SLC17A7: variants seen among roughly 807,000 people sequenced by gnomAD.
The protein encoded by SLC17A7 is solute carrier family 17 member 7.
A neutral mutation model predicts 59.1 loss-of-function variants in SLC17A7; 15 were observed. The ratio of observed to expected loss-of-function variants is 0.25; its 90% CI spans 0.17 to 0.39. SLC17A7 has a LOEUF of 0.39. SLC17A7 is among the 10% of genes least tolerant of loss of function. The probability of loss-of-function intolerance (pLI) is 1.00; values close to 1 mark genes in which losing one functional copy is unlikely to be tolerated. For missense variants in SLC17A7, 499 were observed against 765.1 expected, an observed-to-expected ratio of 0.65 and a Z score of 4.10; for synonymous variants, 353 against 308.9, an observed-to-expected ratio of 1.14 and a Z score of -1.50.
At position 49,433,256 on chromosome 19, in the gene SLC17A7, T is replaced by A; in HGVS notation, c.868-296A>T. On this transcript the variant is annotated intron_variant, in intron 7 of 11. Coordinates refer to ENST00000221485, the MANE Select transcript of SLC17A7 (RefSeq NM_020309.4). The surrounding 1 kb of genome is among the most constrained non-coding windows in gnomAD (Gnocchi z 5.7). ...TCTTTTTTTCTTTTTATTTTTACTT[T>A]TTGTATTTTGTATTTTGAGTAGAGA... 2.4e-6 allele frequency: 1 copy of A among 424,630 alleles called. No individual in the cohort carries two copies. Among genetic ancestry groups the A allele is most frequent in the Non-Finnish European group, 4.2e-6 (1 of 236,376 alleles). 26.3% of individuals were successfully genotyped at this position (424,630 alleles called of 1,614,324 possible).
In SLC17A7 at chr19:49,432,543, C is replaced by A; in HGVS notation, c.1126G>T (p.Val376Leu). The A allele has an allele frequency of 6.2e-7, 1 of 1,613,612 alleles. No individual in the cohort carries two copies. Among genetic ancestry groups the A allele is most frequent in the Non-Finnish European group, 8.5e-7 (1 of 1,179,814 alleles). The change falls in exon 9 of 12, where the codon GTG becomes TTG. Residue 376 changes from valine (V) to leucine (L), a missense_variant. By Grantham distance (32) the Val-to-Leu change is conservative. Transcript: ENST00000221485. ...RSRRIMSTTN[V>L]RKLMNCGGFG... ...CCTCCGCAGTTCATCAACTTGCGCA[C>A]GTTGGTGGTGGACATGATGCGGCGG...
Position 49,436,555 on chromosome 19 carries a change from C to T in SLC17A7, c.309G>A (p.Val103=). Reference sequence around the variant, plus strand: ...GGCTCAGGCCTTGAGCTACCTGCACCACCACGTGGCCCCCGCGGTGGGTCG... The same window carrying T: ...GGCTCAGGCCTTGAGCTACCTGCACTACCACGTGGCCCCCGCGGTGGGTCG... The part of the protein sequence containing the change: ...NSTTHRGGHV[V]VQKAQFSWDP... Residue 103 remains valine, a synonymous_variant, in exon 2 of 12, where the codon GTG becomes GTA. Transcript: ENST00000221485. This position sits in a 1 kb window ranked among gnomAD's most constrained non-coding sequence, Gnocchi z 4.1. 6.2e-7 allele frequency: 1 copy of T among 1,613,236 alleles called. No homozygotes were observed. Among genetic ancestry groups the T allele is most frequent in the African/African-American group, 1.3e-5 (1 of 75,052 alleles).
intron 1 of SLC17A7, 31 bp downstream of exon 1, chr19:49,441,287 A>T: frequency 6.2e-7 from 1 of 1,602,324 alleles, no homozygotes; most frequent in Non-Finnish European, 8.5e-7. Flanking sequence ...AGATCCTCCC[A>T]CTCTTCTCCC....
At chr19:49,432,380 G>T in intron 9 of SLC17A7, 139 bp downstream of exon 9, 2 of 1,206,258 alleles carry the variant, frequency 1.7e-6, no homozygotes, top group Non-Finnish European at 2.3e-6. Context: ...CCACCCTGTT[G>T]GCCACGGCCC....
chr19:49,431,390 C>T lies in SLC17A7; in HGVS notation c.1209G>A (p.Val403=). 6.2e-7 allele frequency: 1 copy of T among 1,614,200 alleles called. No individual in the cohort carries two copies. Among genetic ancestry groups the T allele is most frequent in the Non-Finnish European group, 8.5e-7 (1 of 1,180,032 alleles). ...LVVGYSHSKG[V]AISFLVLAVG... The stretch of plus-strand genomic sequence containing the variant: ...CGGCTAGGACCAGGAAGGAGATGGC[C>T]ACGCCCTTGGAGTGCGAGTAGCCGA... The change falls in exon 10 of 12, where the codon GTG becomes GTA. Residue 403 remains valine, a synonymous_variant. Transcript: ENST00000221485. This position sits in a 1 kb window ranked among gnomAD's most constrained non-coding sequence, Gnocchi z 4.6.
At position 49,434,469 on chromosome 19, in the gene SLC17A7, G is replaced by C. The variant is rs2078973006; in HGVS notation, c.637+133C>G. On this transcript the variant is annotated intron_variant, in intron 5 of 11. Transcript: ENST00000221485. ...CTCTTCCCTCAGACCTGGGAGTCCAGGTCCAGAGTCTCCTCCTCCTCCCTC... is the reference window on the plus strand; with the variant it reads ...CTCTTCCCTCAGACCTGGGAGTCCACGTCCAGAGTCTCCTCCTCCTCCCTC... 7 of 853,596 alleles carry C rather than the reference G, an allele frequency of 8.2e-6. No individual in the cohort carries two copies. The South Asian group carries it at 9.5e-5, about 12-fold the overall frequency. The allele number at this position is 853,596 out of a possible 1,614,324, so 52.9% of individuals were successfully genotyped here. A position where few individuals can be genotyped will look rare whatever the true frequency, so the allele number is the denominator to read the frequency against.
At chr19:49,438,526 G>A (rs2078988441) in intron 1 of SLC17A7, among the ~76,000 whole-genome samples, 1 of 152,152 alleles carries the variant, frequency 6.6e-6, no homozygotes, top group East Asian at 1.9e-4. Context: ...AGAGCTGTGA[G>A]AACACAGCAA....
In SLC17A7 at chr19:49,430,618, A is replaced by G; in HGVS notation, c.1584T>C (p.Ala528=). 6.2e-7 allele frequency: 1 copy of G among 1,613,984 alleles called. No homozygotes were observed. Among genetic ancestry groups the G allele is most frequent in the Middle Eastern group, 1.7e-4 (1 of 6,060 alleles). The part of the protein sequence containing the change: ...GSDDSEMEDE[A]EPPGAPPAPP... ...GTGCAGGGGGTGCCCCCGGGGGCTC[A>G]GCCTCATCCTCCATTTCGCTGTCGT... Residue 528 remains alanine, a synonymous_variant, in exon 12 of 12, where the codon GCT becomes GCC. Transcript: ENST00000221485.
chr19:49,434,536 C>T, intron 5 of SLC17A7, 66 bp downstream of exon 5: 1 of 1,345,814 alleles, frequency 7.4e-7, no homozygotes. Context: ...CCCGCTCAGA[C>T]CCAACAGTCC....
Position 49,431,529 on chromosome 19 carries a change from C to A in SLC17A7, c.1151-81G>T. The A allele has an allele frequency of 8.4e-7, 1 of 1,189,862 alleles. No homozygotes were observed. Among genetic ancestry groups the A allele is most frequent in the Non-Finnish European group, 1.2e-6 (1 of 824,576 alleles). The allele number at this position is 1,189,862 out of a possible 1,614,324, so 73.7% of individuals were successfully genotyped here. On this transcript the variant is annotated intron_variant, in intron 9 of 11. Transcript: ENST00000221485. The surrounding 1 kb of genome is among the most constrained non-coding windows in gnomAD (Gnocchi z 4.6). ...GCTGCCCCACACCGCCCTTCCAGAC[C>A]TGCTCCAGCCCCAAACCGCGTCTAT...
intron 1 of SLC17A7, among the ~76,000 whole-genome samples, chr19:49,439,500 T>C: frequency 6.6e-6 from 1 of 152,288 alleles, no homozygotes; most frequent in South Asian, 2.1e-4. Flanking sequence ...GGCATCACTC[T>C]TCTCAAGGAA....
rs1446838083 is a variant in SLC17A7, at chr19:49,434,751, AT to A, written c.549+16del. The A allele has an allele frequency of 3.1e-6, 5 of 1,614,116 alleles. No individual in the cohort carries two copies. Among genetic ancestry groups the A allele is most frequent in the Non-Finnish European group, 4.2e-6 (5 of 1,179,958 alleles). ...AGGGTCCGAGCGAGGGCAGGGTCAT[AT>A]CAGGCGGGGATTTACCTCTACCAAC... On this transcript the variant is annotated intron_variant, in intron 4 of 11. Transcript: ENST00000221485.
intron 1 of SLC17A7, among the ~76,000 whole-genome samples, chr19:49,441,030 C>T (rs1448644068): frequency 6.6e-6 from 1 of 151,888 alleles, no homozygotes; most frequent in African/African-American, 2.4e-5. Context: ...GAGACGGGGA[C>T]AGAGACCCAG....
chr19:49,430,972 GCA>G, intron 11 of SLC17A7, 41 bp downstream of exon 11: 1 of 1,579,910 alleles, frequency 6.3e-7, no homozygotes, highest in Non-Finnish European at 8.6e-7. Flanking sequence ...TAGGTACGAA[GCA>G]CACACTTGGA....
chr19:49,437,936 G>A (rs111174366), intron 1 of SLC17A7: 28,920 of 139,580 alleles, frequency 0.21, 3,900 homozygotes, highest in Non-Finnish European at 0.25. Flanking sequence ...AGAGAGAGAG[G>A]GGGACAGAGA....
chr19:49,430,941 C>T, intron 11 of SLC17A7, 74 bp downstream of exon 11: 11 of 1,557,334 alleles, frequency 7.1e-6, no homozygotes, highest in Non-Finnish European at 9.6e-6. Context: ...ACCCCAGAGA[C>T]AGTGCCACCA....
At chr19:49,430,991 C>T (rs1319333425) in intron 11 of SLC17A7, 24 bp downstream of exon 11, 1 of 1,592,812 alleles carries the variant, frequency 6.3e-7, no homozygotes, top group South Asian at 1.1e-5. Context: ...TGGAGGCAGA[C>T]TGAGTCAGGA....
At position 49,441,408 on chromosome 19, in the gene SLC17A7, G is replaced by T. The variant is rs747200738; in HGVS notation, c.-29C>A. ...GGCGGCTCCTGCCGCCGGTCACCCC[G>T]CGGGTCCCCCCCGCCGATCCCCCCG... On this transcript the variant is annotated 5_prime_UTR_variant, in exon 1 of 12. Transcript: ENST00000221485. 8.1e-6 allele frequency: 12 copies of T among 1,488,262 alleles called. No homozygotes were observed. The highest frequency in any genetic ancestry group is 8.9e-6 in the Non-Finnish European group (10 of 1,121,554). 92.2% of individuals were successfully genotyped at this position (1,488,262 alleles called of 1,614,324 possible). A position where few individuals can be genotyped will look rare whatever the true frequency, so the allele number is the denominator to read the frequency against.
Position 49,430,007 on chromosome 19 carries a change from A to T in SLC17A7, c.*512T>A, listed in dbSNP as rs935611299. On this transcript the variant is annotated 3_prime_UTR_variant, in exon 12 of 12. Transcript: ENST00000221485. ...TCCATCAGAAACGCTGGTGAGAATC[A>T]ATCCCTGGAATGGCGGGGACGAGTA... 1 of 166,694 alleles carries T rather than the reference A, an allele frequency of 6.0e-6. No homozygotes were observed. Among genetic ancestry groups the T allele is most frequent in the African/African-American group, 2.4e-5 (1 of 42,140 alleles). The allele number at this position is 166,694 out of a possible 1,614,324, so 10.3% of individuals were successfully genotyped here.
Sources: allele counts gnomAD v4.1 joint callset (sites outside exome capture counted in the v4.1 genomes callset), GRCh38; gene constraint gnomAD v4.1.1; non-coding constraint Gnocchi (gnomAD v3.1); transcripts MANE v1.5; gene names NCBI Gene and HGNC (gene_info 2026-07-23, HGNC 2026-07-21).